AFF1: variants seen among roughly 807,000 people sequenced by gnomAD.
The protein encoded by AFF1 is AF4/FMR2 family member 1.
In AFF1, 48 loss-of-function variants were observed where a neutral mutation model predicts 121.7. The ratio of observed to expected loss-of-function variants is 0.39; its 90% CI spans 0.31 to 0.50. The LOEUF (loss-of-function observed/expected upper bound fraction) is 0.50, where lower values mean the gene tolerates loss of function less well. Among genes scored for constraint, AFF1 ranks in the 20% least tolerant of loss-of-function variants. The pLI, the probability that AFF1 is intolerant of heterozygous loss-of-function variation, is 0.76. For missense variants in AFF1, 1,523 were observed against 1,511.7 expected (o/e 1.01, Z -0.12); for synonymous variants, 613 against 563.0 (o/e 1.09, Z -1.26).
At chr4:87,054,245 G>A (rs1414153063) in intron 4 of AFF1, among the ~76,000 whole-genome samples, 1 of 152,204 alleles carries the variant, frequency 6.6e-6, no homozygotes, top group Non-Finnish European at 1.5e-5. Flanking sequence ...CAACTGTTCC[G>A]GAAAAGCTTA....
rs1560632327 is a variant in AFF1 at position 87,108,230 on chromosome 4, A to G, written c.1448A>G (p.Asp483Gly). ...AGTGCAGAGTCAGAAAGCACCAGTG[A>G]CTCAGACAGTTCCTCAGACTCAGAG... is the stretch of plus-strand genomic sequence containing the variant. ...SSSAESESTS[D>G]SDSSSDSESE... Residue 483 changes from aspartate (D) to glycine (G), a missense_variant, in exon 11 of 21, where the codon GAC (aspartate) becomes GGC (glycine). Asp to Gly is a moderately conservative substitution (Grantham distance 94, BLOSUM62 -1). Coordinates refer to ENST00000395146, the MANE Select transcript of AFF1 (RefSeq NM_001166693.3). The G allele has an allele frequency of 6.2e-7, 1 of 1,614,138 alleles. No homozygotes were observed. The highest frequency in any genetic ancestry group is 1.1e-5 in the South Asian group (1 of 91,082).
chr4:87,049,847 A>G (rs1041865027), intron 4 of AFF1: 2 of 431,888 alleles, frequency 4.6e-6, no homozygotes, highest in Non-Finnish European at 9.4e-6. Context: ...AGCCAAGAGC[A>G]TGGAATGAAG....
At chr4:87,082,718 C>T (rs1723297852) in intron 4 of AFF1, among the ~76,000 whole-genome samples, 2 of 152,078 alleles carry the variant, frequency 1.3e-5, no homozygotes, top group South Asian at 4.1e-4. Context: ...TGTGAGCCAG[C>T]ACACCTGGCC....
chr4:87,126,250 A>C lies in AFF1; in HGVS notation c.2725A>C (p.Ser909Arg), dbSNP rs979077594. ...CGQDPPKSAS[S>R]TKSNHKDSSI... The stretch of plus-strand genomic sequence containing the variant: ...CCAGGACCCTCCCAAAAGTGCCAGC[A>C]GTACCAAGAGCAACCACAAAGACTC... Residue 909 changes from serine to arginine, a missense_variant, in exon 14 of 21, where the codon AGT becomes CGT. Coordinates refer to ENST00000395146, the MANE Select transcript of AFF1 (RefSeq NM_001166693.3). 1.9e-6 allele frequency: 3 copies of C among 1,614,042 alleles called. No individual in the cohort carries two copies. The African/African-American group carries it at 4.0e-5, about 22-fold the overall frequency.
rs1337174779 is a variant in AFF1, at chr4:87,111,163, A to G, written c.1533+2848A>G. The stretch of plus-strand genomic sequence containing the variant: ...GCTGGGACTACAGGCGCCCGCTACC[A>G]CGCCCGGCTAATTTTTTGTATTTTT... On this transcript the variant is annotated intron_variant, in intron 11 of 20. Coordinates refer to ENST00000395146, the MANE Select transcript of AFF1 (RefSeq NM_001166693.3). Among the ~76,000 whole-genome samples, 116 of 80,632 alleles carry G rather than the reference A, an allele frequency of 1.4e-3. 26 individuals are homozygous for G. The highest frequency in any genetic ancestry group is 4.7e-3 in the African/African-American group (110 of 23,638). The allele number at this position is 80,632 out of a possible 152,430, so 52.9% of individuals were successfully genotyped here. A position where few individuals can be genotyped will look rare whatever the true frequency, so the allele number is the denominator to read the frequency against.
intron 2 of AFF1, among the ~76,000 whole-genome samples, chr4:86,979,859 AT>A (rs1298919288): frequency 2.0e-5 from 3 of 152,340 alleles, no homozygotes; most frequent in African/African-American, 7.2e-5. Flanking sequence ...GCAAAATAAC[AT>A]TTGCATTTAC....
At position 87,135,841 on chromosome 4, in the gene AFF1, T is replaced by A; in HGVS notation, c.*140T>A. ...GAGATGGCCAGGACATTTGTCCACTTAAACTCTCAACAACAGTGTGATCAT... is the reference window on the plus strand; with the variant it reads ...GAGATGGCCAGGACATTTGTCCACTAAAACTCTCAACAACAGTGTGATCAT... On this transcript the variant is annotated 3_prime_UTR_variant, in exon 21 of 21. Coordinates refer to ENST00000395146, the MANE Select transcript of AFF1 (RefSeq NM_001166693.3). 7.8e-7 allele frequency: 1 copy of A among 1,290,294 alleles called. No homozygotes were observed. Among genetic ancestry groups the A allele is most frequent in the Non-Finnish European group, 1.0e-6 (1 of 970,010 alleles). The allele number at this position is 1,290,294 out of a possible 1,614,324, so 79.9% of individuals were successfully genotyped here. A position where few individuals can be genotyped will look rare whatever the true frequency, so the allele number is the denominator to read the frequency against.
At chr4:87,134,756 G>A (rs957970686) in intron 20 of AFF1, 62 bp downstream of exon 20, 6 of 1,354,590 alleles carry the variant, frequency 4.4e-6, no homozygotes, top group African/African-American at 4.4e-5. Context: ...AATAAACATT[G>A]GTTTATATTT....
chr4:87,046,672 C>T, intron 3 of AFF1, 23 bp from the exon 4 acceptor site: 1 of 1,574,198 alleles, frequency 6.4e-7, no homozygotes, highest in Non-Finnish European at 8.6e-7. Context: ...TTTTTTCATT[C>T]TCAAATTCTC....
rs990292873 is a variant in AFF1, at chr4:87,136,175, T to C, written c.*474T>C. 3.4e-5 allele frequency: 8 copies of C among 232,478 alleles called. No individual in the cohort carries two copies. Among genetic ancestry groups the C allele is most frequent in the African/African-American group, 1.8e-4 (8 of 45,262 alleles). 14.4% of individuals were successfully genotyped at this position (232,478 alleles called of 1,614,324 possible). On this transcript the variant is annotated 3_prime_UTR_variant, in exon 21 of 21. Transcript: ENST00000395146. ...GTTTTGTGGATGATTTTTTTTCTTT[T>C]GAGTTTTGGGAGAAATATTTGTTTA...
At chr4:86,946,153 A>G (rs748700770) in intron 1 of AFF1, among the ~76,000 whole-genome samples, 4 of 152,068 alleles carry the variant, frequency 2.6e-5, no homozygotes, top group Admixed American at 6.5e-5. Flanking sequence ...TTTCCACTAC[A>G]GATCTCTATG....
chr4:87,052,787 T>C (rs1731406618), intron 4 of AFF1, among the ~76,000 whole-genome samples: 1 of 151,664 alleles, frequency 6.6e-6, no homozygotes, highest in Admixed American at 6.6e-5. Context: ...TGGTATGAAG[T>C]GGACAAGTTC....
intron 2 of AFF1, among the ~76,000 whole-genome samples, chr4:86,996,024 C>T (rs1288503107): frequency 1.6e-5 from 2 of 126,264 alleles, no homozygotes; most frequent in East Asian, 2.1e-4. Context: ...AGTGAGGAGC[C>T]CCTCCGCCCA....
At chr4:86,949,923 T>G in intron 2 of AFF1, 3 of 1,613,976 alleles carry the variant, frequency 1.9e-6, no homozygotes, top group Non-Finnish European at 2.5e-6. Flanking sequence ...TTCCGCGTCT[T>G]GGACCCAGCG....
At position 87,139,461 on chromosome 4, in the gene AFF1, C is replaced by G. The variant is rs1252807371; in HGVS notation, c.*3760C>G. ...AACTTTTAAAACTTTGCCATTTCAT[C>G]TGTTTACACTCTTTGCCACTGATTA... On this transcript the variant is annotated 3_prime_UTR_variant, in exon 21 of 21. Transcript: ENST00000395146. 1 of 232,364 alleles carries G rather than the reference C, an allele frequency of 4.3e-6. No individual in the cohort carries two copies. The highest frequency in any genetic ancestry group is 2.2e-5 in the African/African-American group (1 of 45,294). 14.4% of individuals were successfully genotyped at this position (232,364 alleles called of 1,614,324 possible). A position where few individuals can be genotyped will look rare whatever the true frequency, so the allele number is the denominator to read the frequency against.
At chr4:87,051,775 C>T (rs968638010) in intron 4 of AFF1, among the ~76,000 whole-genome samples, 2 of 152,102 alleles carry the variant, frequency 1.3e-5, no homozygotes, top group Non-Finnish European at 2.9e-5. Flanking sequence ...GCCCAACAAA[C>T]TGATATTAAC....
chr4:87,079,689 A>C (rs141555807), intron 4 of AFF1, among the ~76,000 whole-genome samples: 1 of 152,250 alleles, frequency 6.6e-6, no homozygotes, highest in East Asian at 1.9e-4. Flanking sequence ...AGACAACTTA[A>C]TTTCTCTAGG....
In AFF1 at chr4:86,980,035, C is replaced by T. The variant is rs541718501; in HGVS notation, c.38+31464C>T. 3.6e-3 allele frequency among the ~76,000 whole-genome samples: 552 copies of T among 152,196 alleles called. 6 individuals are homozygous for T. The highest frequency in any genetic ancestry group is 0.013 in the African/African-American group (525 of 41,508). On this transcript the variant is annotated intron_variant, in intron 2 of 20. Coordinates refer to ENST00000395146, the MANE Select transcript of AFF1 (RefSeq NM_001166693.3). ...AAGTGATTCTCCTGCCTCAGCCTGC[C>T]GAGTAGGTGGGACTACAGGCATGTG...
chr4:87,030,820 C>T (rs1729001058), intron 2 of AFF1, among the ~76,000 whole-genome samples: 1 of 152,120 alleles, frequency 6.6e-6, no homozygotes, highest in Non-Finnish European at 1.5e-5. Flanking sequence ...TGTGCAGACC[C>T]AGTGCTGAGT....
Sources: gnomAD v4.1 joint callset for allele counts (sites outside exome capture counted in the v4.1 genomes callset) on GRCh38, gnomAD v4.1.1 for gene constraint, MANE v1.5 for transcripts, NCBI Gene and HGNC (gene_info 2026-07-23, HGNC 2026-07-21) for gene names.